Variants in GAS6 observed in about 807,000 individuals in gnomAD.
GAS6 encodes growth arrest-specific protein 6.
GAS6 carries 41 observed loss-of-function variants against 75.8 expected under a neutral mutation model. The ratio of observed to expected loss-of-function variants is 0.54; its 90% CI spans 0.42 to 0.70. The LOEUF is 0.70. GAS6 is among the 30% of genes least tolerant of loss of function. The pLI is 0.00. For missense variants in GAS6, 854 were observed against 940.2 expected (o/e 0.91, Z 1.20); for synonymous variants, 432 against 412.6 (o/e 1.05, Z -0.57).
chr13:113,838,309 C>A lies in GAS6; in HGVS notation c.467-118G>T. The A allele has an allele frequency of 1.1e-5, 13 of 1,237,876 alleles. No individual in the cohort carries two copies. The South Asian group carries it at 1.4e-4, about 14-fold the overall frequency. 76.7% of individuals were successfully genotyped at this position (1,237,876 alleles called of 1,614,324 possible). ...GGAGCAGGGAGGGAGCCCAGAGGTG[C>A]ACAGCCCAGCCCTGGAGCAGAGAGA... On this transcript the variant is annotated intron_variant, in intron 5 of 14. Transcript: ENST00000327773.
In GAS6 at chr13:113,837,819, T is replaced by C. The variant is rs2051732790; in HGVS notation, c.589+250A>G. On this transcript the variant is annotated intron_variant, in intron 6 of 14. Transcript: ENST00000327773. The surrounding 1 kb of genome is among the most constrained non-coding windows in gnomAD (Gnocchi z 5.1). ...ATGGACGAGGCCCTACAGCCAGCAG[T>C]GTGGCCTCATGGGCTGGGCCGGCCC... Among the ~76,000 whole-genome samples, 1 of 152,120 alleles carries C rather than the reference T, an allele frequency of 6.6e-6. No individual in the cohort carries two copies.
At chr13:113,852,952 C>T (rs1048620209) in intron 2 of GAS6, among the ~76,000 whole-genome samples, 2 of 152,118 alleles carry the variant, frequency 1.3e-5, no homozygotes, top group African/African-American at 2.4e-5. Flanking sequence ...AGGAATCAGG[C>T]AGCACCCAGC....
At position 113,834,690 on chromosome 13, in the gene GAS6, G is replaced by T. The variant is rs764839523; in HGVS notation, c.713-18C>A. 10 of 1,526,372 alleles carry T rather than the reference G, an allele frequency of 6.6e-6. No homozygotes were observed. In the East Asian group the frequency reaches 2.1e-4, roughly 32 times the overall value. 94.6% of individuals were successfully genotyped at this position (1,526,372 alleles called of 1,614,324 possible). A position where few individuals can be genotyped will look rare whatever the true frequency, so the allele number is the denominator to read the frequency against. On this transcript the variant is annotated intron_variant, in intron 7 of 14. Transcript: ENST00000327773. ...GTCCACATCTGCCAGCCAGAGGGAA[G>T]CGGCGGTGAGCCGGGGAGGCCTCTA...
At chr13:113,824,642 G>A (rs962068140) in intron 12 of GAS6, among the ~76,000 whole-genome samples, 1 of 152,142 alleles carries the variant, frequency 6.6e-6, no homozygotes, top group Admixed American at 6.5e-5. Flanking sequence ...GTGACTGGGC[G>A]CCTCGCACTG....
chr13:113,840,225 C>T (rs753545001), intron 4 of GAS6: 7 of 231,640 alleles, frequency 3.0e-5, no homozygotes, highest in Admixed American at 6.0e-5. Flanking sequence ...CAGGCAGACT[C>T]GGAACATTCT....
chr13:113,823,108 G>A (rs2051482105), intron 13 of GAS6: 3 of 393,808 alleles, frequency 7.6e-6, no homozygotes, highest in Middle Eastern at 6.4e-4. Context: ...CTGCCCAACC[G>A]AACAGGGGAA....
rs1594197216 is a variant in GAS6 at position 113,834,651 on chromosome 13, C to T, written c.734G>A (p.Gly245Asp). 2.5e-6 allele frequency: 4 copies of T among 1,595,142 alleles called. No individual in the cohort carries two copies. The highest frequency in any genetic ancestry group is 3.4e-6 in the Non-Finnish European group (4 of 1,169,764). ...GTTCACGCAGACCTGCTCACAGCGGCCCTGCAGACACTCGTCCACATCTGC... is the reference window on the plus strand; with the variant it reads ...GTTCACGCAGACCTGCTCACAGCGGTCCTGCAGACACTCGTCCACATCTGC... The part of the protein sequence containing the change: ...ACRDVDECLQ[G>D]RCEQVCVNSP... The change falls in exon 8 of 15, where the codon GGC (glycine) becomes GAC (aspartate). Residue 245 changes from glycine to aspartate, a missense_variant. Transcript: ENST00000327773.
At chr13:113,823,577 G>A (rs1270063485) in intron 12 of GAS6, 27 bp from the exon 13 acceptor site, 2 of 1,593,648 alleles carry the variant, frequency 1.3e-6, no homozygotes, top group South Asian at 2.3e-5. Context: ...GCATTATAGG[G>A]TGGTATGCAC....
In GAS6 at chr13:113,834,623, G is replaced by T. The variant is rs755441698; in HGVS notation, c.762C>A (p.Ser254=). 4 of 1,608,474 alleles carry T rather than the reference G, an allele frequency of 2.5e-6. No individual in the cohort carries two copies. Among genetic ancestry groups the T allele is most frequent in the Admixed American group, 1.7e-5 (1 of 59,438 alleles). Residue 254 remains serine (S), a synonymous_variant, in exon 8 of 15, where the codon TCC becomes TCA. Coordinates refer to ENST00000327773, the MANE Select transcript of GAS6 (RefSeq NM_000820.4). ...CACAGTGGCAGGTGTAGCTCCCTGG[G>T]GAGTTCACGCAGACCTGCTCACAGC... ...QGRCEQVCVN[S]PGSYTCHCDG...
At chr13:113,834,405 C>T (rs1416253081) in intron 8 of GAS6, 146 bp downstream of exon 8, 1 of 851,968 alleles carries the variant, frequency 1.2e-6, no homozygotes, top group Admixed American at 3.6e-5. Context: ...AGAAGCGTTT[C>T]TCATCCCAAA....
At chr13:113,833,535 C>T (rs1433763124) in intron 8 of GAS6, 81 of 998,548 alleles carry the variant, frequency 8.1e-5, no homozygotes, top group Non-Finnish European at 9.7e-5. Flanking sequence ...CCGCCCTGCC[C>T]AGAAACGTCC....
At chr13:113,834,255 A>ATGCTGTGATAGGCCC (rs2051671333) in intron 8 of GAS6, among the ~76,000 whole-genome samples, 1 of 151,842 alleles carries the variant, frequency 6.6e-6, no homozygotes, top group African/African-American at 2.4e-5. Flanking sequence ...CAGGTCGGTC[A>ATGCTGTGATAGGCCC]CGTTGGCTCC....
chr13:113,842,464 C>A (rs2051796466), intron 4 of GAS6: 1 of 395,670 alleles, frequency 2.5e-6, no homozygotes, highest in Non-Finnish European at 4.4e-6. Flanking sequence ...CCGGCCGGGG[C>A]CCCATCCCTG....
chr13:113,842,768 G>A (rs1410915034), intron 4 of GAS6: 4 of 396,838 alleles, frequency 1.0e-5, no homozygotes, highest in South Asian at 2.5e-4. Context: ...CTGCCGCTAC[G>A]ATGTTTGGTT....
chr13:113,832,234 G>A, intron 10 of GAS6, 65 bp downstream of exon 10: 1 of 1,530,292 alleles, frequency 6.5e-7, no homozygotes, highest in East Asian at 2.4e-5. Flanking sequence ...ATAAGCGAGT[G>A]ACAGCTGAGT....
At chr13:113,855,617 G>A (rs943669556) in intron 2 of GAS6, among the ~76,000 whole-genome samples, 3 of 152,166 alleles carry the variant, frequency 2.0e-5, no homozygotes, top group Non-Finnish European at 2.9e-5. Flanking sequence ...AGGGACAGCT[G>A]TGCTTGGGAC....
rs551600200 is a variant in GAS6 at position 113,839,840 on chromosome 13, G to A, written c.354C>T (p.Asp118=). 11 of 1,613,868 alleles carry A rather than the reference G, an allele frequency of 6.8e-6. No homozygotes were observed. The South Asian group carries it at 9.9e-5, about 14-fold the overall frequency. The change falls in exon 5 of 15, where the codon GAC becomes GAT. Residue 118 remains aspartate (D), a synonymous_variant. Transcript: ENST00000327773. ...GFATCVQNLP[D]QCTPNPCDRK... ...TATCGCAGGGGTTGGGCGTGCACTG[G>A]TCAGGCAGGTCTGATTGGGGACACA...
intron 2 of GAS6, among the ~76,000 whole-genome samples, chr13:113,861,216 CGTA>C: frequency 6.6e-6 from 1 of 152,296 alleles, no homozygotes; most frequent in East Asian, 1.9e-4. Context: ...TTCCCTCCCT[CGTA>C]GGAGCCTGCC....
intron 5 of GAS6, 81 bp from the exon 6 acceptor site, chr13:113,838,272 C>T (rs1247545160): frequency 8.3e-6 from 13 of 1,557,032 alleles, no homozygotes; most frequent in Non-Finnish European, 1.1e-5. Context: ...CAGAGGTGCA[C>T]AGCCCAGCCC....
Sources: allele counts gnomAD v4.1 joint callset (sites outside exome capture counted in the v4.1 genomes callset), GRCh38; gene constraint gnomAD v4.1.1; non-coding constraint Gnocchi (gnomAD v3.1); transcripts MANE v1.5; gene names NCBI Gene and HGNC (gene_info 2026-07-23, HGNC 2026-07-21).